Variants in DICER1 observed in about 807,000 individuals in gnomAD.
The protein encoded by DICER1 is endoribonuclease Dicer.
A neutral mutation model predicts 194.1 loss-of-function variants in DICER1; 43 were observed. That is an observed-to-expected ratio of 0.22 (90% CI 0.17 to 0.29). The LOEUF is 0.29. Ranked by LOEUF, DICER1 falls within the 10% of genes least tolerant of loss-of-function variation. The probability of loss-of-function intolerance (pLI) is 1.00; values close to 1 mark genes in which losing one functional copy is unlikely to be tolerated. For synonymous variants in DICER1, 832 were observed against 820.5 expected (o/e 1.01, Z -0.24); for missense variants, 1,608 against 2,317.0 (o/e 0.69, Z 6.28).
intron 1 of DICER1, among the ~76,000 whole-genome samples, chr14:95,142,240 T>C (rs1438712122): frequency 6.6e-6 from 1 of 152,028 alleles, no homozygotes; most frequent in Non-Finnish European, 1.5e-5. Flanking sequence ...TCCCAAAAGA[T>C]TACCCAAATA....
At chr14:95,148,819 A>G (rs1032746339) in intron 1 of DICER1, among the ~76,000 whole-genome samples, 19 of 152,180 alleles carry the variant, frequency 1.2e-4, no homozygotes, top group African/African-American at 4.3e-4. Flanking sequence ...AGTTACCTAT[A>G]ATGACATTTG....
At chr14:95,132,730 T>C (rs1342007711) in intron 2 of DICER1, 53 bp from the exon 3 acceptor site, 2 of 1,545,994 alleles carry the variant, frequency 1.3e-6, no homozygotes, top group African/African-American at 1.4e-5. Context: ...GTACAAAATT[T>C]ATAAAATTGG....
intron 1 of DICER1, among the ~76,000 whole-genome samples, chr14:95,142,365 T>C (rs1894875343): frequency 6.6e-6 from 1 of 152,138 alleles, no homozygotes; most frequent in African/African-American, 2.4e-5. Flanking sequence ...TAAGGCTACC[T>C]CAGACTTCAT....
At chr14:95,126,836 A>G (rs921495086) in intron 6 of DICER1, 88 bp from the exon 7 acceptor site, 42 of 679,468 alleles carry the variant, frequency 6.2e-5, no homozygotes, top group African/African-American at 2.5e-4. Flanking sequence ...AAAAAAAAAA[A>G]GGGAATAGAT....
chr14:95,150,622 G>A (rs558421854), intron 1 of DICER1, among the ~76,000 whole-genome samples: 16 of 152,300 alleles, frequency 1.1e-4, no homozygotes, highest in Admixed American at 3.3e-4. Context: ...TTGAAGCAAG[G>A]ATCATTAATG....
At chr14:95,135,703 C>T (rs888517144) in intron 1 of DICER1, among the ~76,000 whole-genome samples, 2 of 152,142 alleles carry the variant, frequency 1.3e-5, no homozygotes, top group African/African-American at 4.8e-5. Flanking sequence ...TTACGTCCTC[C>T]AGGTTCATCT....
chr14:95,102,044 T>C (rs1890924996), intron 21 of DICER1, among the ~76,000 whole-genome samples: 1 of 152,208 alleles, frequency 6.6e-6, no homozygotes, highest in Non-Finnish European at 1.5e-5. Context: ...TAAAAGTTTC[T>C]ACCTCTCAGA....
At position 95,087,588 on chromosome 14, in the gene DICER1, G is replaced by A; in HGVS notation, c.*2910C>T. On this transcript the variant is annotated 3_prime_UTR_variant, in exon 27 of 27. Transcript: ENST00000343455. ...TTTTCTTGAAATGAGGTAAAGCATG[G>A]TACCAAGTGCAATGCTTATCTGTGC... 4.3e-6 allele frequency: 1 copy of A among 233,122 alleles called. No homozygotes were observed. Among genetic ancestry groups the A allele is most frequent in the Non-Finnish European group, 8.5e-6 (1 of 118,010 alleles). 14.4% of individuals were successfully genotyped at this position (233,122 alleles called of 1,614,324 possible). A position where few individuals can be genotyped will look rare whatever the true frequency, so the allele number is the denominator to read the frequency against.
At chr14:95,117,838 G>A in intron 8 of DICER1, 84 bp from the exon 9 acceptor site, 1 of 1,376,446 alleles carries the variant, frequency 7.3e-7, no homozygotes, top group East Asian at 2.4e-5. Flanking sequence ...TAAAATGGAA[G>A]TACATGCATT....
chr14:95,151,013 G>C (rs749267654), intron 1 of DICER1, among the ~76,000 whole-genome samples: 1 of 152,170 alleles, frequency 6.6e-6, no homozygotes, highest in African/African-American at 2.4e-5. Context: ...ACAGGAGTGA[G>C]CCACTGTGCC....
At chr14:95,094,652 T>C (rs1341737966) in intron 23 of DICER1, among the ~76,000 whole-genome samples, 2 of 152,202 alleles carry the variant, frequency 1.3e-5, no homozygotes, top group African/African-American at 4.8e-5. Flanking sequence ...CTGGGCTATT[T>C]TTGTTACACA....
rs1235548744 is a variant in DICER1, at chr14:95,087,508, T to C, written c.*2990A>G. 2 of 232,990 alleles carry C rather than the reference T, an allele frequency of 8.6e-6. No homozygotes were observed. Among genetic ancestry groups the C allele is most frequent in the Non-Finnish European group, 1.7e-5 (2 of 117,992 alleles). 14.4% of individuals were successfully genotyped at this position (232,990 alleles called of 1,614,324 possible). A position where few individuals can be genotyped will look rare whatever the true frequency, so the allele number is the denominator to read the frequency against. ...TTATAATTATCTTTTTCAAATTCCA[T>C]AAATCAAAACAGCAGCAAGGCCAAA... On this transcript the variant is annotated 3_prime_UTR_variant, in exon 27 of 27. Transcript: ENST00000343455.
chr14:95,157,156 C>T (rs1895946850), intron 1 of DICER1, 74 bp downstream of exon 1: 1 of 149,774 alleles, frequency 6.7e-6, no homozygotes, highest in Non-Finnish European at 1.5e-5. Flanking sequence ...GGCCTCCGCG[C>T]GGAGGCGGGA....
chr14:95,115,795 C>T lies in DICER1; in HGVS notation c.1779G>A (p.Ser593=), dbSNP rs531307350. ...CAATGTCAGTCTCACCAGTATCAAC[C>T]GACTTGGAACACTTGTTTCTCAAGA... ...EKILRNKCSK[S]VDTGETDIDP... The change falls in exon 11 of 27, where the codon TCG becomes TCA. Residue 593 remains serine, a synonymous_variant. Transcript: ENST00000343455. 1.5e-5 allele frequency: 24 copies of T among 1,614,090 alleles called. 1 individual carries two copies. The South Asian group carries it at 1.6e-4, about 11-fold the overall frequency.
At chr14:95,152,460 C>T (rs1049151291) in intron 1 of DICER1, among the ~76,000 whole-genome samples, 7 of 152,218 alleles carry the variant, frequency 4.6e-5, no homozygotes, top group African/African-American at 1.7e-4. Flanking sequence ...CGGAGTGTCT[C>T]CTATATGTCA....
rs1483691122 is a variant in DICER1, at chr14:95,126,555, C to A, written c.903+25G>T. 5 of 1,372,384 alleles carry A rather than the reference C, an allele frequency of 3.6e-6. No individual in the cohort carries two copies. In the African/African-American group the frequency reaches 5.7e-5, roughly 16 times the overall value. 85.0% of individuals were successfully genotyped at this position (1,372,384 alleles called of 1,614,324 possible). On this transcript the variant is annotated intron_variant, in intron 7 of 26. Coordinates refer to ENST00000343455, the MANE Select transcript of DICER1 (RefSeq NM_177438.3). Reference sequence around the variant, plus strand: ...TAACAAAGCTTTCAAAATATAATCACTATACCTACTTGGTATATGCTTACC... The same window carrying A: ...TAACAAAGCTTTCAAAATATAATCAATATACCTACTTGGTATATGCTTACC...
rs1889559808 is a variant in DICER1, at chr14:95,088,985, T to C, written c.*1513A>G. On this transcript the variant is annotated 3_prime_UTR_variant, in exon 27 of 27. Transcript: ENST00000343455. ...CAGCAAACCTCTACTGGTATGTTGA[T>C]GGGAGTGCAAGACTGACCCACAGCT... is the stretch of plus-strand genomic sequence containing the variant. 1 of 233,230 alleles carries C rather than the reference T, an allele frequency of 4.3e-6. No homozygotes were observed. The highest frequency in any genetic ancestry group is 2.2e-5 in the African/African-American group (1 of 45,322). The allele number at this position is 233,230 out of a possible 1,614,324, so 14.4% of individuals were successfully genotyped here.
chr14:95,090,388 C>T lies in DICER1; in HGVS notation c.*110G>A. On this transcript the variant is annotated 3_prime_UTR_variant, in exon 27 of 27. Coordinates refer to ENST00000343455, the MANE Select transcript of DICER1 (RefSeq NM_177438.3). ...TTATCAACCAAACTTTAAATTCTGCCTTCAATTCATTCCACTCACTAACAA... is the reference window on the plus strand; with the variant it reads ...TTATCAACCAAACTTTAAATTCTGCTTTCAATTCATTCCACTCACTAACAA... 8.1e-7 allele frequency: 1 copy of T among 1,227,886 alleles called. No individual in the cohort carries two copies. The highest frequency in any genetic ancestry group is 1.2e-5 in the South Asian group (1 of 80,478). 76.1% of individuals were successfully genotyped at this position (1,227,886 alleles called of 1,614,324 possible).
intron 1 of DICER1, among the ~76,000 whole-genome samples, chr14:95,138,710 C>G (rs376187041): frequency 1.3e-5 from 2 of 150,658 alleles, no homozygotes; most frequent in African/African-American, 2.4e-5. Flanking sequence ...AGTAAACTAT[C>G]GCAAGAACAA....
Sources: gnomAD v4.1 joint callset for allele counts (sites outside exome capture counted in the v4.1 genomes callset) on GRCh38, gnomAD v4.1.1 for gene constraint, MANE v1.5 for transcripts, NCBI Gene and HGNC (gene_info 2026-07-23, HGNC 2026-07-21) for gene names.